The following ERBIN variants were observed in gnomAD, a reference collection of about 807,000 sequenced individuals.
ERBIN encodes the protein erbb2 interacting protein.
In ERBIN, 60 loss-of-function variants were observed where a neutral mutation model predicts 158.4. The observed-to-expected ratio is 0.38, with a 90% CI of 0.31 to 0.47. The LOEUF (loss-of-function observed/expected upper bound fraction) is 0.47. Among genes scored for constraint, ERBIN ranks in the 20% least tolerant of loss-of-function variants. The pLI is 0.99. For missense variants in ERBIN, 1,610 were observed against 1,648.0 expected (o/e 0.98, Z 0.40); for synonymous variants, 594 against 557.2 (o/e 1.07, Z -0.93).
chr5:65,978,276 T>A (rs953242088), intron 1 of ERBIN, among the ~76,000 whole-genome samples: 1 of 152,200 alleles, frequency 6.6e-6, no homozygotes, highest in African/African-American at 2.4e-5. Context: ...ACCTTTTCCT[T>A]CAGATTATAG....
At chr5:65,965,203 G>GT (rs1748427451) in intron 1 of ERBIN, among the ~76,000 whole-genome samples, 1 of 70,040 alleles carries the variant, frequency 1.4e-5, no homozygotes, top group Non-Finnish European at 3.6e-5. Context: ...GATTTATAAG[G>GT]TGGGTACTTG....
intron 21 of ERBIN, among the ~76,000 whole-genome samples, chr5:66,063,019 C>T (rs1156629674): frequency 6.6e-6 from 1 of 152,226 alleles, no homozygotes; most frequent in African/African-American, 2.4e-5. Context: ...TCTGCCTGTT[C>T]TCAGATCTCA....
Position 66,012,138 on chromosome 5 carries a change from A to G in ERBIN, c.386+11A>G. 6.5e-7 allele frequency: 1 copy of G among 1,532,394 alleles called. No homozygotes were observed. The highest frequency in any genetic ancestry group is 1.9e-5 in the Admixed American group (1 of 52,072). 94.9% of individuals were successfully genotyped at this position (1,532,394 alleles called of 1,614,324 possible). Reference sequence around the variant, plus strand: ...AAACCCTATTTCCAAGTAAGTTCTCAGGTGAATTATAAATTACTTTTGTGA... The same window carrying G: ...AAACCCTATTTCCAAGTAAGTTCTCGGGTGAATTATAAATTACTTTTGTGA... On this transcript the variant is annotated intron_variant, in intron 5 of 25. Transcript: ENST00000284037.
rs397884229 is a variant in ERBIN, at chr5:66,074,045, ATTTTTTTTTTTT to A, written c.3757-963_3757-952del. Among the ~76,000 whole-genome samples, 374 of 91,942 alleles carry A rather than the reference ATTTTTTTTTTTT, an allele frequency of 4.1e-3. 3 individuals are homozygous for A. The highest frequency in any genetic ancestry group is 0.022 in the East Asian group (55 of 2,482). The allele number at this position is 91,942 out of a possible 152,430, so 60.3% of individuals were successfully genotyped here. Reference sequence around the variant, plus strand: ...AGGTGTGCACCACCATGCCCAGCTAATTTTTTTTTTTTTTTTTTTTTTTTTTTAGAGATGGGG... The same window carrying A: ...AGGTGTGCACCACCATGCCCAGCTAATTTTTTTTTTTTTTTAGAGATGGGG... On this transcript the variant is annotated intron_variant, in intron 22 of 25. Coordinates refer to ENST00000284037, the MANE Select transcript of ERBIN (RefSeq NM_001253697.2).
intron 1 of ERBIN, among the ~76,000 whole-genome samples, chr5:65,937,636 C>T (rs969677792): frequency 2.2e-4 from 34 of 152,122 alleles, no homozygotes; most frequent in Admixed American, 1.7e-3. Context: ...TGGCCGGGTG[C>T]GGTGGCTCAT....
At chr5:65,969,067 T>A (rs1748975692) in intron 1 of ERBIN, among the ~76,000 whole-genome samples, 1 of 152,174 alleles carries the variant, frequency 6.6e-6, no homozygotes, top group African/African-American at 2.4e-5. Flanking sequence ...AGTATTGACC[T>A]TATGCTACTG....
Position 66,053,508 on chromosome 5 carries a change from A to G in ERBIN, c.2190A>G (p.Leu730=). The change falls in exon 21 of 26, where the codon TTA becomes TTG. Residue 730 remains leucine (L), a synonymous_variant. Coordinates refer to ENST00000284037, the MANE Select transcript of ERBIN (RefSeq NM_001253697.2). The part of the protein sequence containing the change: ...FKAHDKKDFN[L]PEYDLNVEER... Reference sequence around the variant, plus strand: ...CTCATGATAAAAAAGATTTTAACTTACCTGAATATGATTTGAATGTTGAAG... The same window carrying G: ...CTCATGATAAAAAAGATTTTAACTTGCCTGAATATGATTTGAATGTTGAAG... The G allele has an allele frequency of 6.2e-7, 1 of 1,610,742 alleles. No individual in the cohort carries two copies. Among genetic ancestry groups the G allele is most frequent in the Non-Finnish European group, 8.5e-7 (1 of 1,178,940 alleles).
chr5:65,958,095 A>G (rs1226988351), intron 1 of ERBIN, among the ~76,000 whole-genome samples: 10 of 149,818 alleles, frequency 6.7e-5, no homozygotes, highest in Non-Finnish European at 1.3e-4. Flanking sequence ...TACTTCCTAG[A>G]TGGGATGGCG....
intron 14 of ERBIN, among the ~76,000 whole-genome samples, chr5:66,028,888 A>G (rs573074951): frequency 6.6e-6 from 1 of 152,232 alleles, no homozygotes; most frequent in Admixed American, 6.5e-5. Flanking sequence ...AAGTGAAGAC[A>G]TGTGAAGTTT....
At chr5:65,942,790 T>G (rs1183957663) in intron 1 of ERBIN, among the ~76,000 whole-genome samples, 1 of 152,060 alleles carries the variant, frequency 6.6e-6, no homozygotes, top group Non-Finnish European at 1.5e-5. Context: ...CCGGGTGTGG[T>G]TGCGCATGCC....
chr5:66,056,920 T>TAA (rs1200047742), intron 21 of ERBIN, among the ~76,000 whole-genome samples: 1 of 152,200 alleles, frequency 6.6e-6, no homozygotes, highest in African/African-American at 2.4e-5. Flanking sequence ...ACCATAACTC[T>TAA]ACTGCATTCC....
At chr5:65,939,498 C>T (rs1744516410) in intron 1 of ERBIN, among the ~76,000 whole-genome samples, 4 of 151,930 alleles carry the variant, frequency 2.6e-5, no homozygotes, top group South Asian at 2.1e-4. Context: ...AAGAGAGGTG[C>T]CTCCGCTCTC....
chr5:65,963,250 A>G (rs973321391), intron 1 of ERBIN, among the ~76,000 whole-genome samples: 1 of 152,284 alleles, frequency 6.6e-6, no homozygotes. Context: ...TCCTATATGC[A>G]TTGGTTGTTA....
At chr5:65,928,694 TC>T (rs1394283142) in intron 1 of ERBIN, among the ~76,000 whole-genome samples, 1 of 152,204 alleles carries the variant, frequency 6.6e-6, no homozygotes, top group East Asian at 1.9e-4. Context: ...CCTTTGTGTT[TC>T]TTTTTTTTCT....
rs199628129 is a variant in ERBIN, at chr5:65,998,223, CA to C, written c.307+3368del. Among the ~76,000 whole-genome samples, 10 of 145,924 alleles carry C rather than the reference CA, an allele frequency of 6.9e-5. No homozygotes were observed. In the East Asian group the frequency reaches 9.9e-4, roughly 14 times the overall value. On this transcript the variant is annotated intron_variant, in intron 4 of 25. Coordinates refer to ENST00000284037, the MANE Select transcript of ERBIN (RefSeq NM_001253697.2). ...AGCTTGGGCGACACAGCAAGACTCT[CA>C]AAAAAAAATATATATATATAGATAT... is the stretch of plus-strand genomic sequence containing the variant.
At chr5:66,046,035 A>G (rs1273978928) in intron 17 of ERBIN, among the ~76,000 whole-genome samples, 1 of 152,208 alleles carries the variant, frequency 6.6e-6, no homozygotes, top group Non-Finnish European at 1.5e-5. Context: ...AGCAGAAAAC[A>G]ATTTTAACCA....
intron 4 of ERBIN, among the ~76,000 whole-genome samples, chr5:66,002,803 G>C (rs1753138769): frequency 6.6e-6 from 1 of 152,200 alleles, no homozygotes. Context: ...GGAAGTTATG[G>C]TATGTTGCTC....
chr5:65,927,747 A>G (rs1471299948), intron 1 of ERBIN, among the ~76,000 whole-genome samples: 2 of 152,152 alleles, frequency 1.3e-5, no homozygotes, highest in African/African-American at 2.4e-5. Context: ...ATAAATAGTG[A>G]TAGGTTCTGC....
intron 7 of ERBIN, among the ~76,000 whole-genome samples, chr5:66,016,615 CT>C (rs11323656): frequency 0.59 from 73,446 of 123,890 alleles, 21,342 homozygotes; most frequent in South Asian, 0.71. Context: ...TTCATGAGAT[CT>C]TTTTTTTTTT....
Sources: allele counts gnomAD v4.1 joint callset (sites outside exome capture counted in the v4.1 genomes callset), GRCh38; gene constraint gnomAD v4.1.1; transcripts MANE v1.5; gene names NCBI Gene and HGNC (gene_info 2026-07-23, HGNC 2026-07-21).